CFAP299: variants seen among roughly 807,000 people sequenced by gnomAD.
The protein encoded by CFAP299 is cilia- and flagella-associated protein 299.
CFAP299 carries 21 observed loss-of-function variants against 27.0 expected under a neutral mutation model. That is an observed-to-expected ratio of 0.78 (90% CI 0.55 to 1.12). The LOEUF (loss-of-function observed/expected upper bound fraction) is 1.12. CFAP299 is among the 50% of genes most tolerant of loss of function. The probability of loss-of-function intolerance (pLI) is 0.00; values close to 1 mark genes in which losing one functional copy is unlikely to be tolerated. For synonymous variants in CFAP299, 104 were observed against 98.1 expected, an observed-to-expected ratio of 1.06 and a Z score of -0.36; for missense variants, 310 against 276.6, an observed-to-expected ratio of 1.12 and a Z score of -0.86.
rs1159652533 is a variant in CFAP299 at position 80,558,354 on chromosome 4, G to GTTTTTT, written c.243-24736_243-24735insTTTTTT. ...ACTTTTGTGGTTTTTTTGTTTGTTT[G>GTTTTTT]TTTGTTTGTTTGTTTTTTTTTTGGC... On this transcript the variant is annotated intron_variant, in intron 2 of 5. Coordinates refer to ENST00000358105, the MANE Select transcript of CFAP299 (RefSeq NM_152770.3). Among the ~76,000 whole-genome samples, 32 of 126,414 alleles carry GTTTTTT rather than the reference G, an allele frequency of 2.5e-4. 1 individual carries two copies. The highest frequency in any genetic ancestry group is 7.3e-4 in the African/African-American group (22 of 30,172). 82.9% of individuals were successfully genotyped at this position (126,414 alleles called of 152,430 possible). A position where few individuals can be genotyped will look rare whatever the true frequency, so the allele number is the denominator to read the frequency against.
intron 4 of CFAP299, among the ~76,000 whole-genome samples, chr4:80,905,785 G>A (rs1377634848): frequency 6.6e-6 from 1 of 152,042 alleles, no homozygotes; most frequent in Non-Finnish European, 1.5e-5. Context: ...GAACAGCATG[G>A]GGATAACTGC....
At chr4:80,442,798 A>C (rs563723012) in intron 2 of CFAP299, among the ~76,000 whole-genome samples, 9 of 152,252 alleles carry the variant, frequency 5.9e-5, no homozygotes, top group African/African-American at 2.2e-4. Context: ...GTAGCCGGAC[A>C]AACAAAGAAA....
chr4:80,602,221 T>TA (rs35563729), intron 3 of CFAP299, among the ~76,000 whole-genome samples: 18,336 of 148,318 alleles, frequency 0.12, 1,280 homozygotes, highest in South Asian at 0.23. Context: ...AAATAAAAGT[T>TA]AAAAAAAAAA....
intron 3 of CFAP299, among the ~76,000 whole-genome samples, chr4:80,633,708 C>T (rs1739336011): frequency 6.6e-6 from 1 of 152,056 alleles, no homozygotes. Flanking sequence ...AAGACTACAA[C>T]TCAACAAGCC....
intron 3 of CFAP299, among the ~76,000 whole-genome samples, chr4:80,688,118 C>T (rs1376542721): frequency 1.3e-5 from 2 of 152,198 alleles, no homozygotes; most frequent in Non-Finnish European, 1.5e-5. Flanking sequence ...GGGGGAGGGG[C>T]GCCCGCCATT....
intron 2 of CFAP299, among the ~76,000 whole-genome samples, chr4:80,457,232 C>G (rs1256052490): frequency 6.6e-6 from 1 of 152,000 alleles, no homozygotes; most frequent in Non-Finnish European, 1.5e-5. Context: ...TTTTCCACAA[C>G]AAAAAAATCA....
chr4:80,629,103 T>C (rs994392094), intron 3 of CFAP299, among the ~76,000 whole-genome samples: 16 of 152,140 alleles, frequency 1.1e-4, no homozygotes, highest in Non-Finnish European at 1.6e-4. Context: ...TTAAAAAATG[T>C]GGACACAATG....
intron 2 of CFAP299, among the ~76,000 whole-genome samples, chr4:80,495,287 A>C (rs1470799311): frequency 8.2e-6 from 1 of 121,314 alleles, no homozygotes; most frequent in Non-Finnish European, 1.6e-5. Context: ...ATAGCAAAAA[A>C]GGTGTGTAGC....
chr4:80,865,716 A>C (rs1389478606), intron 3 of CFAP299, among the ~76,000 whole-genome samples: 1 of 151,988 alleles, frequency 6.6e-6, no homozygotes, highest in African/African-American at 2.4e-5. Flanking sequence ...TGGCACATAT[A>C]CACCATGGAA....
At chr4:80,434,685 C>A (rs1213453157) in intron 2 of CFAP299, among the ~76,000 whole-genome samples, 2 of 152,192 alleles carry the variant, frequency 1.3e-5, no homozygotes, top group African/African-American at 4.8e-5. Flanking sequence ...TCTGCCAAAC[C>A]TACATCCTAA....
chr4:80,323,725 T>C, the CFAP299 span, among the ~76,000 whole-genome samples: 1 of 152,212 alleles, frequency 6.6e-6, no homozygotes, highest in Non-Finnish European at 1.5e-5. Flanking sequence ...TATTCTTCAC[T>C]CTTGAATAAT....
At chr4:80,434,034 C>G (rs1021692789) in intron 2 of CFAP299, among the ~76,000 whole-genome samples, 2 of 152,034 alleles carry the variant, frequency 1.3e-5, no homozygotes, top group East Asian at 1.9e-4. Flanking sequence ...TACCAAATGC[C>G]TGTTATGTAT....
intron 4 of CFAP299, among the ~76,000 whole-genome samples, chr4:80,896,681 GC>G (rs1734625689): frequency 6.6e-6 from 1 of 152,008 alleles, no homozygotes; most frequent in African/African-American, 2.4e-5. Flanking sequence ...AATAATAAAG[GC>G]AATGACTTAC....
At chr4:80,754,244 G>T (rs1250129257) in intron 3 of CFAP299, among the ~76,000 whole-genome samples, 2 of 152,048 alleles carry the variant, frequency 1.3e-5, no homozygotes, top group Non-Finnish European at 2.9e-5. Context: ...ATTTAGGGTA[G>T]GAGCTCATTT....
At chr4:80,644,565 T>G (rs1312240642) in intron 3 of CFAP299, among the ~76,000 whole-genome samples, 1 of 152,214 alleles carries the variant, frequency 6.6e-6, no homozygotes, top group Non-Finnish European at 1.5e-5. Flanking sequence ...CTATCCTATT[T>G]GCCTCTTTCT....
At chr4:80,883,460 T>C (rs1477706222) in intron 4 of CFAP299, among the ~76,000 whole-genome samples, 1 of 152,062 alleles carries the variant, frequency 6.6e-6, no homozygotes, top group Non-Finnish European at 1.5e-5. Context: ...TATATGTAAA[T>C]AGTTAAATTT....
chr4:80,744,171 G>T (rs1250650155), intron 3 of CFAP299, among the ~76,000 whole-genome samples: 1 of 152,110 alleles, frequency 6.6e-6, no homozygotes, highest in Admixed American at 6.6e-5. Flanking sequence ...AAACGCTATG[G>T]CAGTTTCTTC....
intron 3 of CFAP299, among the ~76,000 whole-genome samples, chr4:80,629,442 TGA>T (rs929948507): frequency 1.3e-5 from 2 of 152,266 alleles, no homozygotes; most frequent in East Asian, 1.9e-4. Context: ...TGAGAAATGC[TGA>T]GAGAGTAGAT....
chr4:80,926,497 G>T (rs1431107968), intron 4 of CFAP299, among the ~76,000 whole-genome samples: 1 of 151,926 alleles, frequency 6.6e-6, no homozygotes, highest in Admixed American at 6.6e-5. Context: ...TATTTGGGGA[G>T]AAGTAAATAG....
Sources: gnomAD v4.1 joint callset for allele counts (sites outside exome capture counted in the v4.1 genomes callset) on GRCh38, gnomAD v4.1.1 for gene constraint, MANE v1.5 for transcripts, NCBI Gene and HGNC (gene_info 2026-07-23, HGNC 2026-07-21) for gene names.